Variants in FHIT observed in about 807,000 individuals in gnomAD.
FHIT encodes the protein fragile histidine triad diadenosine triphosphatase.
Under a neutral mutation model 17.9 loss-of-function variants are expected in FHIT, and 19 were observed. The observed-to-expected ratio is 1.06, with a 90% CI of 0.74 to 1.56. The LOEUF (loss-of-function observed/expected upper bound fraction) is 1.56, where lower values mean the gene tolerates loss of function less well. FHIT is among the 40% of genes most tolerant of loss of function. The probability of loss-of-function intolerance (pLI) is 0.00; values close to 1 mark genes in which losing one functional copy is unlikely to be tolerated. For synonymous variants in FHIT, 81 were observed against 69.7 expected (o/e 1.16, Z -0.81); for missense variants, 248 against 189.2 (o/e 1.31, Z -1.82).
At chr3:60,113,466 G>A (rs1704773423) in intron 5 of FHIT, among the ~76,000 whole-genome samples, 1 of 151,760 alleles carries the variant, frequency 6.6e-6, no homozygotes, top group African/African-American at 2.4e-5. Context: ...TCTACTAACT[G>A]GTTAGTCTTT....
At chr3:60,190,898 G>T (rs1214847274) in intron 5 of FHIT, among the ~76,000 whole-genome samples, 2 of 151,966 alleles carry the variant, frequency 1.3e-5, no homozygotes, top group African/African-American at 4.8e-5. Context: ...AGCCGAGATT[G>T]CACCCTTGCA....
At chr3:59,992,319 A>G (rs1390508477) in intron 7 of FHIT, among the ~76,000 whole-genome samples, 4 of 152,158 alleles carry the variant, frequency 2.6e-5, no homozygotes, top group African/African-American at 9.6e-5. Context: ...GGCGTAGTAC[A>G]TTTAAGAATT....
chr3:60,207,112 T>C (rs1271776297), intron 5 of FHIT, among the ~76,000 whole-genome samples: 1 of 151,920 alleles, frequency 6.6e-6, no homozygotes, highest in Non-Finnish European at 1.5e-5. Context: ...ATGTACTTCC[T>C]CATCCAGCAA....
chr3:59,938,273 T>C (rs1205339559), intron 7 of FHIT, among the ~76,000 whole-genome samples: 2 of 152,146 alleles, frequency 1.3e-5, no homozygotes, highest in African/African-American at 4.8e-5. Flanking sequence ...CTGGAAGACA[T>C]ACACTAAGTG....
At chr3:59,768,625 A>G (rs146197066) in intron 8 of FHIT, among the ~76,000 whole-genome samples, 1,789 of 152,334 alleles carry the variant, frequency 0.012, 2 homozygotes, top group African/African-American at 0.041. Flanking sequence ...CCCAGACATC[A>G]ATGTCATATG....
At chr3:60,262,429 C>T (rs753488140) in intron 5 of FHIT, among the ~76,000 whole-genome samples, 2 of 151,954 alleles carry the variant, frequency 1.3e-5, no homozygotes, top group Admixed American at 6.6e-5. Context: ...CCCTACAAAC[C>T]TTTTGAAAAT....
chr3:60,382,764 T>G (rs1393191025), intron 5 of FHIT, among the ~76,000 whole-genome samples: 1 of 152,182 alleles, frequency 6.6e-6, no homozygotes, highest in African/African-American at 2.4e-5. Flanking sequence ...TAAAAAGAAC[T>G]GTATACAACA....
At chr3:60,324,232 C>T (rs1036220403) in intron 5 of FHIT, among the ~76,000 whole-genome samples, 1 of 151,938 alleles carries the variant, frequency 6.6e-6, no homozygotes. Context: ...CAGCCAAAAC[C>T]CTGGTCCTAT....
At position 60,531,763 on chromosome 3, in the gene FHIT, T is replaced by C. The variant is rs533361420; in HGVS notation, c.103+5097A>G. Among the ~76,000 whole-genome samples, 12 of 152,346 alleles carry C rather than the reference T, an allele frequency of 7.9e-5. No individual in the cohort carries two copies. The East Asian group carries it at 2.3e-3, about 29-fold the overall frequency. On this transcript the variant is annotated intron_variant, in intron 5 of 9. Coordinates refer to ENST00000492590, the MANE Select transcript of FHIT (RefSeq NM_002012.4). ...AAGAATCACTGTTAAGTAATGAAGC[T>C]ATTTTTATTATTTTTCCACTTATTT... is the stretch of plus-strand genomic sequence containing the variant.
intron 4 of FHIT, among the ~76,000 whole-genome samples, chr3:60,818,882 G>T (rs529432642): frequency 6.6e-6 from 1 of 152,072 alleles, no homozygotes; most frequent in Admixed American, 6.6e-5. Flanking sequence ...ATTAATTTTA[G>T]CCTGTTCTCA....
chr3:60,679,673 ATT>A (rs1311752304), intron 4 of FHIT, among the ~76,000 whole-genome samples: 1 of 152,086 alleles, frequency 6.6e-6, no homozygotes, highest in East Asian at 1.9e-4. Flanking sequence ...ATAATAATGA[ATT>A]TTTGCCTGCA....
chr3:61,208,257 G>T (rs1336494269), intron 1 of FHIT, among the ~76,000 whole-genome samples: 1 of 151,992 alleles, frequency 6.6e-6, no homozygotes. Flanking sequence ...TTTCAGAATA[G>T]GTGTGGTGTG....
intron 8 of FHIT, among the ~76,000 whole-genome samples, chr3:59,843,573 C>A (rs149764531): frequency 6.6e-6 from 1 of 152,120 alleles, no homozygotes; most frequent in Non-Finnish European, 1.5e-5. Context: ...TTGATTGATA[C>A]CTTCTTTCAG....
intron 5 of FHIT, among the ~76,000 whole-genome samples, chr3:60,041,300 G>A (rs963870519): frequency 2.2e-4 from 34 of 152,232 alleles, no homozygotes; most frequent in African/African-American, 8.2e-4. Context: ...AATGACCTTT[G>A]AGGAGAGGAA....
At chr3:60,281,164 G>A (rs1341995594) in intron 5 of FHIT, among the ~76,000 whole-genome samples, 1 of 151,742 alleles carries the variant, frequency 6.6e-6, no homozygotes, top group Non-Finnish European at 1.5e-5. Flanking sequence ...GGATCTGTAA[G>A]GAAATATAAA....
intron 4 of FHIT, among the ~76,000 whole-genome samples, chr3:60,553,554 G>C (rs1429013049): frequency 6.7e-6 from 1 of 148,288 alleles, no homozygotes; most frequent in Admixed American, 6.7e-5. Context: ...GAGAGAGAGA[G>C]AGAGAGGCTC....
intron 5 of FHIT, among the ~76,000 whole-genome samples, chr3:60,108,665 CTTT>C (rs67464031): frequency 3.0e-4 from 43 of 143,838 alleles, no homozygotes; most frequent in Non-Finnish European, 3.5e-4. Context: ...AGTTACTTCT[CTTT>C]TTTTTTTTTT....
At chr3:59,814,213 C>A (rs538100162) in intron 8 of FHIT, among the ~76,000 whole-genome samples, 1 of 152,322 alleles carries the variant, frequency 6.6e-6, no homozygotes, top group African/African-American at 2.4e-5. Flanking sequence ...TGAGATGGAA[C>A]AACATCAGAC....
At chr3:60,046,362 G>T (rs373802681) in intron 5 of FHIT, among the ~76,000 whole-genome samples, 1 of 152,344 alleles carries the variant, frequency 6.6e-6, no homozygotes, top group African/African-American at 2.4e-5. Flanking sequence ...TCAACCAGCT[G>T]CGTCTGTCAA....
Sources: allele counts gnomAD v4.1 joint callset (sites outside exome capture counted in the v4.1 genomes callset), GRCh38; gene constraint gnomAD v4.1.1; transcripts MANE v1.5; gene names NCBI Gene and HGNC (gene_info 2026-07-23, HGNC 2026-07-21).